The following SVBP variants were observed in gnomAD, a reference collection of about 807,000 sequenced individuals.
The protein encoded by SVBP is small vasohibin binding protein, also known as small vasohibin-binding protein.
A neutral mutation model predicts 9.2 loss-of-function variants in SVBP; 9 were observed. That is an observed-to-expected ratio of 0.98 (90% CI 0.59 to 1.71). SVBP has a LOEUF of 1.71. SVBP is among the 40% of genes most tolerant of loss of function. The probability of loss-of-function intolerance (pLI) is 0.00; values close to 1 mark genes in which losing one functional copy is unlikely to be tolerated. For synonymous variants in SVBP, 27 were observed against 23.9 expected (o/e 1.13, Z -0.37); for missense variants, 63 against 73.2 (o/e 0.86, Z 0.51).
In SVBP at chr1:42,807,202, G is replaced by A. The variant is rs554656967; in HGVS notation, c.*212C>T. 3.1e-6 allele frequency: 1 copy of A among 325,998 alleles called. No individual in the cohort carries two copies. Among genetic ancestry groups the A allele is most frequent in the South Asian group, 1.4e-4 (1 of 6,966 alleles). 20.2% of individuals were successfully genotyped at this position (325,998 alleles called of 1,614,324 possible). On this transcript the variant is annotated 3_prime_UTR_variant, in exon 3 of 3. Coordinates refer to ENST00000372521, the MANE Select transcript of SVBP (RefSeq NM_199342.4). ...CCCAAAAAACAAAACCACTGTCTTA[G>A]AAGAAGAAAACAAGTCTCTTCAGCA...
intron 2 of SVBP, among the ~76,000 whole-genome samples, chr1:42,812,886 A>C (rs1654110334): frequency 6.6e-6 from 1 of 152,226 alleles, no homozygotes; most frequent in Non-Finnish European, 1.5e-5. Flanking sequence ...TTTTAAAAAA[A>C]CAGGCTTAAA....
At chr1:42,811,946 T>C (rs1654092263) in intron 2 of SVBP, among the ~76,000 whole-genome samples, 1 of 151,548 alleles carries the variant, frequency 6.6e-6, no homozygotes, top group Non-Finnish European at 1.5e-5. Flanking sequence ...GATTTTAACA[T>C]AATTACTATG....
In SVBP at chr1:42,807,331, G is replaced by A. The variant is rs1417325567; in HGVS notation, c.*83C>T. ...AATGTCTTCTGGTCTAGTTCTGTAA[G>A]GCTCCAAATGGGCCATCTCAGCTTA... On this transcript the variant is annotated 3_prime_UTR_variant, in exon 3 of 3. Coordinates refer to ENST00000372521, the MANE Select transcript of SVBP (RefSeq NM_199342.4). The A allele has an allele frequency of 8.5e-6, 8 of 936,952 alleles. No individual in the cohort carries two copies. Among genetic ancestry groups the A allele is most frequent in the Non-Finnish European group, 1.4e-5 (8 of 570,148 alleles). The allele number at this position is 936,952 out of a possible 1,614,324, so 58.0% of individuals were successfully genotyped here.
intron 2 of SVBP, among the ~76,000 whole-genome samples, chr1:42,809,872 T>C (rs1369928880): frequency 2.0e-5 from 3 of 152,130 alleles, no homozygotes; most frequent in Admixed American, 6.5e-5. Context: ...TTCAAAACAA[T>C]ATATTGTTAC....
intron 2 of SVBP, among the ~76,000 whole-genome samples, chr1:42,808,182 T>TAC (rs1553147745): frequency 1.8e-4 from 24 of 130,700 alleles, no homozygotes; most frequent in East Asian, 7.1e-4. Flanking sequence ...TATATATACA[T>TAC]ACTATGTATA....
intron 1 of SVBP, 41 bp downstream of exon 1, chr1:42,817,149 G>A (rs772149504): frequency 3.3e-6 from 4 of 1,199,034 alleles, no homozygotes; most frequent in African/African-American, 3.3e-5. Flanking sequence ...GGAAAATGGC[G>A]GTCGCTGGAG....
At chr1:42,808,141 GTGTGTGTGTATA>G (rs1307658661) in intron 2 of SVBP, among the ~76,000 whole-genome samples, 6 of 41,682 alleles carry the variant, frequency 1.4e-4, no homozygotes, top group African/African-American at 4.6e-4. Flanking sequence ...TATAGTGTGT[GTGTGTGTGTATA>G]TATATATATA....
chr1:42,807,574 G>T, intron 2 of SVBP, 74 bp from the exon 3 acceptor site: 1 of 1,162,864 alleles, frequency 8.6e-7, no homozygotes, highest in Non-Finnish European at 1.3e-6. Context: ...ATAACAGGTG[G>T]TGCCTTCTGA....
At chr1:42,813,762 T>C (rs1654130996) in intron 2 of SVBP, 2 of 523,542 alleles carry the variant, frequency 3.8e-6, no homozygotes, top group South Asian at 1.4e-5. Context: ...TTCTTATCTG[T>C]AGCTTCTGTT....
intron 2 of SVBP, chr1:42,814,006 T>G (rs1358123473): frequency 5.4e-6 from 1 of 183,954 alleles, no homozygotes; most frequent in East Asian, 1.7e-4. Flanking sequence ...GCAAGATCCA[T>G]GAAGGCAGGG....
At position 42,807,226 on chromosome 1, in the gene SVBP, CA is replaced by C; in HGVS notation, c.*187del. ...AGAAGAAGAAAACAAGTCTCTTCAGCAAGCATGTGGCCAATTCAGATGGGAG... is the reference window on the plus strand; with the variant it reads ...AGAAGAAGAAAACAAGTCTCTTCAGCAGCATGTGGCCAATTCAGATGGGAG... On this transcript the variant is annotated 3_prime_UTR_variant, in exon 3 of 3. Transcript: ENST00000372521. The C allele has an allele frequency of 7.6e-6, 3 of 395,090 alleles. No homozygotes were observed. The highest frequency in any genetic ancestry group is 1.3e-5 in the Non-Finnish European group (3 of 222,342). 24.5% of individuals were successfully genotyped at this position (395,090 alleles called of 1,614,324 possible).
chr1:42,815,402 CA>C (rs60301880), intron 2 of SVBP, among the ~76,000 whole-genome samples: 2,241 of 142,212 alleles, frequency 0.016, 66 homozygotes, highest in South Asian at 0.12. Flanking sequence ...GACTCCATCT[CA>C]AAAAAAAAAA....
In SVBP at chr1:42,807,275, C is replaced by T. The variant is rs891420965; in HGVS notation, c.*139G>A. 14 of 511,936 alleles carry T rather than the reference C, an allele frequency of 2.7e-5. No individual in the cohort carries two copies. The highest frequency in any genetic ancestry group is 4.6e-5 in the Non-Finnish European group (13 of 283,058). The allele number at this position is 511,936 out of a possible 1,614,324, so 31.7% of individuals were successfully genotyped here. ...GAGGAACCAGTGAAGTTAGAAGTTACACACAGGAAGTGAGTTCAGATTTAT... is the reference window on the plus strand; with the variant it reads ...GAGGAACCAGTGAAGTTAGAAGTTATACACAGGAAGTGAGTTCAGATTTAT... On this transcript the variant is annotated 3_prime_UTR_variant, in exon 3 of 3. Coordinates refer to ENST00000372521, the MANE Select transcript of SVBP (RefSeq NM_199342.4).
chr1:42,811,093 C>T (rs1305397300), intron 2 of SVBP, among the ~76,000 whole-genome samples: 1 of 152,026 alleles, frequency 6.6e-6, no homozygotes, highest in South Asian at 2.1e-4. Flanking sequence ...GAGTCGAGAT[C>T]GTGCCACTGC....
At chr1:42,811,002 G>A (rs1654070743) in intron 2 of SVBP, among the ~76,000 whole-genome samples, 1 of 152,168 alleles carries the variant, frequency 6.6e-6, no homozygotes. Flanking sequence ...AGCCAGGCAT[G>A]GTGGCGGGTG....
chr1:42,817,079 C>A, intron 1 of SVBP, 111 bp downstream of exon 1: 1 of 645,526 alleles, frequency 1.5e-6, no homozygotes, highest in South Asian at 5.0e-5. Context: ...CCCGACCCCG[C>A]CCCGGCCCGC....
At chr1:42,810,784 TAG>T (rs1373743007) in intron 2 of SVBP, among the ~76,000 whole-genome samples, 4 of 152,128 alleles carry the variant, frequency 2.6e-5, no homozygotes, top group Admixed American at 1.3e-4. Flanking sequence ...CAGAATTGAA[TAG>T]AAACTGTCTC....
intron 1 of SVBP, 88 bp downstream of exon 1, chr1:42,817,102 G>A (rs1227820398): frequency 7.8e-6 from 8 of 1,027,316 alleles, no homozygotes; most frequent in African/African-American, 3.5e-5. Context: ...GGCCCCAGGG[G>A]ACGGCCCCCG....
chr1:42,817,322 G>A lies in SVBP; in HGVS notation c.-169C>T. The A allele has an allele frequency of 1.8e-6, 2 of 1,113,870 alleles. No homozygotes were observed. Among genetic ancestry groups the A allele is most frequent in the Non-Finnish European group, 2.3e-6 (2 of 868,204 alleles). The allele number at this position is 1,113,870 out of a possible 1,614,324, so 69.0% of individuals were successfully genotyped here. ...CCCACCGCCCCTCGTCCTGGGCGGG[G>A]CCGCGCGCCGGGGGGAGGGGCGCAG... is the stretch of plus-strand genomic sequence containing the variant. On this transcript the variant is annotated 5_prime_UTR_variant, in exon 1 of 3. Coordinates refer to ENST00000372521, the MANE Select transcript of SVBP (RefSeq NM_199342.4).
Sources: allele counts gnomAD v4.1 joint callset (sites outside exome capture counted in the v4.1 genomes callset), GRCh38; gene constraint gnomAD v4.1.1; transcripts MANE v1.5; gene names NCBI Gene and HGNC (gene_info 2026-07-23, HGNC 2026-07-21).